LINS1: variants seen among roughly 807,000 people sequenced by gnomAD.
The protein encoded by LINS1 is lines homolog 1.
A neutral mutation model predicts 41.6 loss-of-function variants in LINS1; 27 were observed. The observed-to-expected ratio is 0.65, with a 90% CI of 0.48 to 0.89. The LOEUF is 0.89. Among genes scored for constraint, LINS1 ranks in the 40% least tolerant of loss-of-function variants. The probability of loss-of-function intolerance (pLI) is 0.00; values close to 1 mark genes in which losing one functional copy is unlikely to be tolerated. For synonymous variants in LINS1, 336 were observed against 312.9 expected (o/e 1.07, Z -0.78); for missense variants, 955 against 884.1 (o/e 1.08, Z -1.02).
intron 1 of LINS1, among the ~76,000 whole-genome samples, chr15:100,598,212 C>T (rs774734622): frequency 2.0e-5 from 3 of 152,182 alleles, no homozygotes; most frequent in Non-Finnish European, 4.4e-5. Flanking sequence ...CTTGGTTCTT[C>T]CCTAGCTCCT....
rs1440603737 is a variant in LINS1, at chr15:100,569,270, C to T, written c.2242G>A (p.Val748Met). ...ALLKLLKYIE[V>M]ISNKTMNTL ...GTGTTCATAGTTTTATTACTTATCA[C>T]CTCTATGTATTTTAACAACTTCAAA... The change falls in exon 7 of 7, where the codon GTG (valine) becomes ATG (methionine). Residue 748 changes from valine to methionine, a missense_variant. Physicochemically the swap from Val to Met is conservative, Grantham distance 21. Transcript: ENST00000314742. The T allele has an allele frequency of 2.5e-6, 4 of 1,603,988 alleles. No individual in the cohort carries two copies. The highest frequency in any genetic ancestry group is 3.4e-6 in the Non-Finnish European group (4 of 1,170,958).
chr15:100,573,443 A>G, intron 5 of LINS1: 1 of 999,572 alleles, frequency 1.0e-6, no homozygotes, highest in South Asian at 2.3e-5. Flanking sequence ...ATGCTTTACA[A>G]ATTCATTGTA....
chr15:100,588,380 G>T (rs549860356), intron 1 of LINS1, among the ~76,000 whole-genome samples: 1 of 152,270 alleles, frequency 6.6e-6, no homozygotes, highest in South Asian at 2.1e-4. Flanking sequence ...TGTGTTGTGT[G>T]TATAATATAA....
At chr15:100,572,408 CG>C in intron 5 of LINS1, 1 of 1,122,510 alleles carries the variant, frequency 8.9e-7, no homozygotes, top group Non-Finnish European at 1.1e-6. Context: ...ATCACTTCAT[CG>C]GATGCCAGAG....
chr15:100,567,103 A>G lies in LINS1; in HGVS notation c.*2135T>C, dbSNP rs1288307732. Reference sequence around the variant, plus strand: ...GTCACAGAGTATACTCAACAAACCTAGATGGCATAGCCTACTACACACCTA... The same window carrying G: ...GTCACAGAGTATACTCAACAAACCTGGATGGCATAGCCTACTACACACCTA... On this transcript the variant is annotated 3_prime_UTR_variant, in exon 7 of 7. Coordinates refer to ENST00000314742, the MANE Select transcript of LINS1 (RefSeq NM_001040616.3). 2 of 152,228 alleles carry G rather than the reference A, an allele frequency of 1.3e-5. No homozygotes were observed. The highest frequency in any genetic ancestry group is 2.4e-5 in the African/African-American group (1 of 41,450). The allele number at this position is 152,228 out of a possible 1,614,324, so 9.4% of individuals were successfully genotyped here. A position where few individuals can be genotyped will look rare whatever the true frequency, so the allele number is the denominator to read the frequency against.
intron 1 of LINS1, among the ~76,000 whole-genome samples, chr15:100,582,635 G>A (rs950742342): frequency 3.4e-5 from 5 of 145,528 alleles, no homozygotes; most frequent in Non-Finnish European, 7.5e-5. Context: ...GTCTTACACT[G>A]GGTCTTCCAT....
chr15:100,588,393 G>C lies in LINS1; in HGVS notation c.-103-7448C>G, dbSNP rs144893224. On this transcript the variant is annotated intron_variant, in intron 1 of 6. Transcript: ENST00000314742. Reference sequence around the variant, plus strand: ...TATGTGTTGTGTGTATAATATAAAAGAGTTTTAATTAACTGGTTAATAATA... The same window carrying C: ...TATGTGTTGTGTGTATAATATAAAACAGTTTTAATTAACTGGTTAATAATA... Among the ~76,000 whole-genome samples, 372 of 152,298 alleles carry C rather than the reference G, an allele frequency of 2.4e-3. 1 individual carries two copies. The highest frequency in any genetic ancestry group is 8.5e-3 in the African/African-American group (353 of 41,552).
At chr15:100,587,997 G>T (rs1400378248) in intron 1 of LINS1, among the ~76,000 whole-genome samples, 1 of 152,236 alleles carries the variant, frequency 6.6e-6, no homozygotes, top group Non-Finnish European at 1.5e-5. Context: ...TTTCTTAGTA[G>T]TCAGACACTG....
At chr15:100,573,416 A>C (rs924435136) in intron 5 of LINS1, 1 of 1,112,208 alleles carries the variant, frequency 9.0e-7, no homozygotes, top group East Asian at 2.9e-5. Context: ...AACTTTTTTA[A>C]ACCTAAATCA....
At chr15:100,588,908 G>C (rs1380938752) in intron 1 of LINS1, among the ~76,000 whole-genome samples, 2 of 152,218 alleles carry the variant, frequency 1.3e-5, no homozygotes, top group Admixed American at 1.3e-4. Context: ...ATTTAAAGGT[G>C]ATTAGGCCTC....
intron 1 of LINS1, chr15:100,586,303 G>C (rs1457325841): frequency 6.6e-6 from 1 of 152,220 alleles, no homozygotes; most frequent in Non-Finnish European, 1.5e-5. Flanking sequence ...TACATATCTT[G>C]ATTGATGTCT....
rs2037675285 is a variant in LINS1, at chr15:100,569,378, T to C, written c.2134A>G (p.Ile712Val). The C allele has an allele frequency of 6.2e-7, 1 of 1,614,078 alleles. No individual in the cohort carries two copies. The highest frequency in any genetic ancestry group is 8.5e-7 in the Non-Finnish European group (1 of 1,179,960). ...VVSEVGIFYR[I>V]VKCFQELQDA... is the part of the protein sequence containing the mutation. ...TGTAGTTCCTGGAAGCATTTTACTA[T>C]TCTGTAAAATATTCCCACTTCAGAG... The change falls in exon 7 of 7, where the codon ATA (isoleucine) becomes GTA (valine). Residue 712 changes from isoleucine to valine, a missense_variant. By Grantham distance (29) the Ile-to-Val change is conservative. Transcript: ENST00000314742.
rs765088208 is a variant in LINS1, at chr15:100,580,785, T to C, written c.58A>G (p.Thr20Ala). ...TAATCATGGCTGTCATTTTCAAGTGTGGCTCCAAGAAGTACCTTCTTGTAT... is the reference window on the plus strand; with the variant it reads ...TAATCATGGCTGTCATTTTCAAGTGCGGCTCCAAGAAGTACCTTCTTGTAT... ...ELYKKVLLGA[T>A]LENDSHDYIF... is the part of the protein sequence containing the mutation. Residue 20 changes from threonine (T) to alanine (A), a missense_variant, in exon 2 of 7, where the codon ACA becomes GCA. Transcript: ENST00000314742. 1 of 1,610,010 alleles carries C rather than the reference T, an allele frequency of 6.2e-7. No homozygotes were observed. The highest frequency in any genetic ancestry group is 1.1e-5 in the South Asian group (1 of 90,708).
At position 100,569,800 on chromosome 15, in the gene LINS1, T is replaced by A. The variant is rs2037714836; in HGVS notation, c.1712A>T (p.Gln571Leu). 1 of 1,614,038 alleles carries A rather than the reference T, an allele frequency of 6.2e-7. No individual in the cohort carries two copies. Among genetic ancestry groups the A allele is most frequent in the Non-Finnish European group, 8.5e-7 (1 of 1,180,016 alleles). Residue 571 changes from glutamine to leucine, a missense_variant, in exon 7 of 7, where the codon CAA becomes CTA. Physicochemically the swap from Gln to Leu is moderately radical, Grantham distance 113. Transcript: ENST00000314742. ...AGCAGTCAAACGATGGGGTATTGTT[T>A]GGTTGGAGCTTTGGTCTTGGACAAG... ...PSLVQDQSSN[Q>L]TIPHRLTAPH...
chr15:100,588,407 T>C (rs892345315), intron 1 of LINS1, among the ~76,000 whole-genome samples: 4 of 152,246 alleles, frequency 2.6e-5, no homozygotes, highest in Admixed American at 2.6e-4. Context: ...TTTAATTAAC[T>C]GGTTAATAAT....
intron 1 of LINS1, among the ~76,000 whole-genome samples, chr15:100,591,892 T>G (rs2039054983): frequency 6.6e-6 from 1 of 152,154 alleles, no homozygotes; most frequent in Non-Finnish European, 1.5e-5. Context: ...TCCCTCTGCT[T>G]CCATAAAGAT....
chr15:100,585,564 A>C (rs1392009400), intron 1 of LINS1, among the ~76,000 whole-genome samples: 2 of 152,210 alleles, frequency 1.3e-5, no homozygotes, highest in African/African-American at 4.8e-5. Flanking sequence ...TTTGGTTCAC[A>C]GCCTTCACTG....
At chr15:100,585,750 G>T (rs1472544873) in intron 1 of LINS1, among the ~76,000 whole-genome samples, 3 of 151,718 alleles carry the variant, frequency 2.0e-5, no homozygotes, top group Non-Finnish European at 4.4e-5. Flanking sequence ...ACTTATAAGA[G>T]TGCTCATACA....
At chr15:100,587,395 T>C (rs2038858031) in intron 1 of LINS1, among the ~76,000 whole-genome samples, 1 of 152,088 alleles carries the variant, frequency 6.6e-6, no homozygotes, top group South Asian at 2.1e-4. Flanking sequence ...TTAAGGAAAC[T>C]GAATTGTGTA....
Sources: allele counts gnomAD v4.1 joint callset (sites outside exome capture counted in the v4.1 genomes callset), GRCh38; gene constraint gnomAD v4.1.1; transcripts MANE v1.5; gene names NCBI Gene and HGNC (gene_info 2026-07-23, HGNC 2026-07-21).